The following NAA11 variants were observed in gnomAD, a reference collection of about 807,000 sequenced individuals.
NAA11 encodes the protein N-alpha-acetyltransferase 11.
Under a neutral mutation model 16.1 loss-of-function variants are expected in NAA11, and 15 were observed. The observed-to-expected ratio is 0.93, with a 90% CI of 0.62 to 1.44. The LOEUF is 1.44. Among genes scored for constraint, NAA11 ranks in the 40% most tolerant of loss-of-function variants. The pLI is 0.00. For missense variants in NAA11, 298 were observed against 291.3 expected (o/e 1.02, Z -0.17); for synonymous variants, 122 against 112.4 (o/e 1.09, Z -0.54).
chr4:79,227,791 C>T (rs1165254297), intron 2 of NAA11: 2 of 152,002 alleles, frequency 1.3e-5, no homozygotes, highest in Non-Finnish European at 2.9e-5. Flanking sequence ...ATCCCACTGA[C>T]TCACACTGAT....
the NAA11 span, among the ~76,000 whole-genome samples, chr4:79,168,002 C>T: frequency 6.6e-6 from 1 of 152,002 alleles, no homozygotes; most frequent in Non-Finnish European, 1.5e-5. Flanking sequence ...GGTATTTCTC[C>T]TAATGTGTCC....
chr4:79,315,891 G>T (rs900166708), downstream of NAA11, among the ~76,000 whole-genome samples: 10 of 152,154 alleles, frequency 6.6e-5, no homozygotes, highest in Admixed American at 6.6e-4. Context: ...GCCCAAACCA[G>T]ATAGGCTGCT....
intron 1 of NAA11, among the ~76,000 whole-genome samples, chr4:79,296,713 G>A (rs921506331): frequency 2.6e-5 from 4 of 152,030 alleles, no homozygotes; most frequent in African/African-American, 9.7e-5. Context: ...CTTTGTCCTA[G>A]CCTATGTTAG....
chr4:79,243,776 C>G (rs1001778947), intron 2 of NAA11, among the ~76,000 whole-genome samples: 2 of 151,992 alleles, frequency 1.3e-5, no homozygotes, highest in African/African-American at 4.8e-5. Context: ...ATTTAAAAGG[C>G]CTTAGAACAG....
At position 79,285,029 on chromosome 4, in the gene NAA11, A is replaced by G. The variant is rs564145070; in HGVS notation, c.*122+8976T>C. Among the ~76,000 whole-genome samples, 7 of 152,156 alleles carry G rather than the reference A, an allele frequency of 4.6e-5. No individual in the cohort carries two copies. In the South Asian group the frequency reaches 1.5e-3, roughly 32 times the overall value. On this transcript the variant is annotated intron_variant and NMD_transcript_variant, in intron 2 of 2. Transcript: ENST00000511542. ...GATTCTTTAGTGGGGTGCATTTAAA[A>G]TCAATCAGATATTACACTGTAGCTT...
chr4:79,210,334 T>C, the NAA11 span, among the ~76,000 whole-genome samples: 1 of 151,964 alleles, frequency 6.6e-6, no homozygotes. Context: ...GGTTGATCAG[T>C]TAGGGTAGAG....
At chr4:79,276,291 A>G (rs904599360) in intron 2 of NAA11, among the ~76,000 whole-genome samples, 2 of 152,176 alleles carry the variant, frequency 1.3e-5, no homozygotes, top group African/African-American at 4.8e-5. Context: ...ATGGAGACTG[A>G]TAAGTCCTCA....
rs1329230550 is a variant in NAA11 at position 79,325,688 on chromosome 4, G to A, written c.190C>T (p.Pro64Ser). Residue 64 changes from proline (P) to serine (S), a missense_variant, in exon 1 of 2, where the codon CCA (proline) becomes TCA (serine). Physicochemically the swap from Pro to Ser is moderately conservative, Grantham distance 74 (BLOSUM62 -1). Transcript: ENST00000286794. ...GYVLAKMEEE[P>S]DDVPHGHITS... ...ATATGGCCATGCGGGACATCATCTG[G>A]TTCCTCCTCCATTTTGGCCAGAACA... The A allele has an allele frequency of 2.5e-6, 4 of 1,608,844 alleles. No homozygotes were observed. The highest frequency in any genetic ancestry group is 2.2e-5 in the East Asian group (1 of 44,904).
intron 2 of NAA11, among the ~76,000 whole-genome samples, chr4:79,255,492 T>C (rs1040233951): frequency 1.3e-5 from 2 of 152,244 alleles, no homozygotes; most frequent in Non-Finnish European, 2.9e-5. Flanking sequence ...TTTTGGTTAG[T>C]ATTTATGTGC....
intron 1 of NAA11, among the ~76,000 whole-genome samples, chr4:79,295,378 A>C (rs1723185703): frequency 6.6e-6 from 1 of 152,252 alleles, no homozygotes. Context: ...TTTCAGGATT[A>C]CAGGCTTTCA....
intron 2 of NAA11, among the ~76,000 whole-genome samples, chr4:79,257,875 T>TCC (rs1722156249): frequency 2.0e-5 from 3 of 152,244 alleles, no homozygotes; most frequent in Non-Finnish European, 4.4e-5. Context: ...AAAATTTTAG[T>TCC]TTAATCTTAT....
At chr4:79,282,677 G>C (rs1045600743) in intron 2 of NAA11, among the ~76,000 whole-genome samples, 1 of 152,090 alleles carries the variant, frequency 6.6e-6, no homozygotes, top group Non-Finnish European at 1.5e-5. Flanking sequence ...AGTTTTGTTT[G>C]AGGCATGTTA....
intron 2 of NAA11, among the ~76,000 whole-genome samples, chr4:79,271,877 C>T (rs910934090): frequency 6.6e-6 from 1 of 151,812 alleles, no homozygotes; most frequent in Non-Finnish European, 1.5e-5. Context: ...TCCAGAGAGT[C>T]TATGTTCTAA....
intron 2 of NAA11, among the ~76,000 whole-genome samples, chr4:79,249,857 C>T (rs1011119693): frequency 3.9e-5 from 6 of 152,308 alleles, no homozygotes; most frequent in African/African-American, 1.4e-4. Context: ...GCCAAGATGG[C>T]CAATTAGAAG....
the NAA11 span, among the ~76,000 whole-genome samples, chr4:79,163,768 G>T: frequency 6.6e-6 from 1 of 152,186 alleles, no homozygotes; most frequent in Non-Finnish European, 1.5e-5. Context: ...ACAATGAAAA[G>T]ATCCTGTAGC....
At chr4:79,203,675 C>A in the NAA11 span, among the ~76,000 whole-genome samples, 1 of 150,970 alleles carries the variant, frequency 6.6e-6, no homozygotes, top group Non-Finnish European at 1.5e-5. Context: ...ACCACAGGGG[C>A]AGACATCATA....
At chr4:79,232,982 A>G (rs1721499087) in intron 2 of NAA11, among the ~76,000 whole-genome samples, 1 of 152,060 alleles carries the variant, frequency 6.6e-6, no homozygotes, top group African/African-American at 2.4e-5. Flanking sequence ...AATGGTTATA[A>G]TAATATCTAC....
At chr4:79,321,420 C>A (rs1409681448) in intron 1 of NAA11, among the ~76,000 whole-genome samples, 9 of 152,194 alleles carry the variant, frequency 5.9e-5, no homozygotes, top group Non-Finnish European at 7.3e-5. Context: ...TATATACATT[C>A]TTTTCTCTCA....
chr4:79,175,135 C>G, the NAA11 span, among the ~76,000 whole-genome samples: 258 of 152,164 alleles, frequency 1.7e-3, 3 homozygotes, highest in African/African-American at 5.7e-3. Context: ...TGGTCAACTT[C>G]AAAGAAAGGC....
Sources: gnomAD v4.1 joint callset for allele counts (sites outside exome capture counted in the v4.1 genomes callset) on GRCh38, gnomAD v4.1.1 for gene constraint, MANE v1.5 for transcripts, NCBI Gene and HGNC (gene_info 2026-07-23, HGNC 2026-07-21) for gene names.